The following ARHGAP35 variants were observed in gnomAD, a reference collection of about 807,000 sequenced individuals.
The protein encoded by ARHGAP35 is rho GTPase-activating protein 35.
In ARHGAP35, 15 loss-of-function variants were observed where a neutral mutation model predicts 111.1. That is an observed-to-expected ratio of 0.13 (90% CI 0.09 to 0.21). The LOEUF (loss-of-function observed/expected upper bound fraction) is 0.21, where lower values mean the gene tolerates loss of function less well. Ranked by LOEUF, ARHGAP35 falls within the 10% of genes least tolerant of loss-of-function variation. The probability of loss-of-function intolerance (pLI) is 1.00; values close to 1 mark genes in which losing one functional copy is unlikely to be tolerated. For synonymous variants in ARHGAP35, 643 were observed against 710.3 expected, an observed-to-expected ratio of 0.91 and a Z score of 1.51; for missense variants, 1,262 against 1,873.0, an observed-to-expected ratio of 0.67 and a Z score of 6.02.
At chr19:46,973,430 C>T (rs1290740382) in intron 3 of ARHGAP35, among the ~76,000 whole-genome samples, 7 of 151,988 alleles carry the variant, frequency 4.6e-5, no homozygotes, top group African/African-American at 1.7e-4. Context: ...GCCTGTAATC[C>T]CTGTAATCCC....
chr19:46,920,417 C>T lies in ARHGAP35; in HGVS notation c.1742C>T (p.Pro581Leu), dbSNP rs761965356. The change falls in exon 2 of 7, where the codon CCG (proline) becomes CTG (leucine). Residue 581 changes from proline to leucine, a missense_variant. Transcript: ENST00000672722. The surrounding 1 kb of genome is among the most constrained non-coding windows in gnomAD (Gnocchi z 7.0). ...EHLISSRFIR[P>L]SDRNQKNSLS... is the part of the protein sequence containing the mutation. ...TTGATTAGTTCTCGGTTTATCCGGCCGTCTGACCGGAATCAGAAAAATTCA... is the reference window on the plus strand; with the variant it reads ...TTGATTAGTTCTCGGTTTATCCGGCTGTCTGACCGGAATCAGAAAAATTCA... 9 of 1,613,640 alleles carry T rather than the reference C, an allele frequency of 5.6e-6. No homozygotes were observed. Among genetic ancestry groups the T allele is most frequent in the Non-Finnish European group, 7.6e-6 (9 of 1,179,710 alleles).
At chr19:46,893,615 C>T (rs183690262) in intron 1 of ARHGAP35, among the ~76,000 whole-genome samples, 7 of 151,590 alleles carry the variant, frequency 4.6e-5, no homozygotes, top group African/African-American at 1.5e-4. Context: ...TTCTCTCCCC[C>T]CTTGGTTTTG....
intron 3 of ARHGAP35, among the ~76,000 whole-genome samples, chr19:46,977,484 C>T (rs1473402886): frequency 6.6e-6 from 1 of 152,190 alleles, no homozygotes. Context: ...GCTGGAGAAA[C>T]GCTGCACTTT....
intron 1 of ARHGAP35, among the ~76,000 whole-genome samples, chr19:46,875,784 C>T (rs934584410): frequency 6.6e-6 from 1 of 151,990 alleles, no homozygotes; most frequent in South Asian, 2.1e-4. Flanking sequence ...GCAAAGGCGG[C>T]GTGATGAAAT....
chr19:46,909,182 A>G (rs1007471409), intron 1 of ARHGAP35, among the ~76,000 whole-genome samples: 1 of 152,162 alleles, frequency 6.6e-6, no homozygotes, highest in Non-Finnish European at 1.5e-5. Context: ...ATGCGCTTGT[A>G]GTCCCAGCTA....
rs954720757 is a variant in ARHGAP35, at chr19:46,922,550, G to A, written c.3681+194G>A. Among the ~76,000 whole-genome samples the A allele has an allele frequency of 1.3e-5, 2 of 152,120 alleles. No homozygotes were observed. Among genetic ancestry groups the A allele is most frequent in the Non-Finnish European group, 2.9e-5 (2 of 68,028 alleles). On this transcript the variant is annotated intron_variant, in intron 2 of 6. Coordinates refer to ENST00000672722, the MANE Select transcript of ARHGAP35 (RefSeq NM_004491.5). The surrounding 1 kb of genome is among the most constrained non-coding windows in gnomAD (Gnocchi z 4.0). The stretch of plus-strand genomic sequence containing the variant: ...CAGCTCTCAAGTAGTTAGGACTTTG[G>A]ATAGATAGTCTGAGTTGTTGTTGCC...
At chr19:46,965,341 C>A (rs2056508001) in intron 3 of ARHGAP35, among the ~76,000 whole-genome samples, 1 of 152,168 alleles carries the variant, frequency 6.6e-6, no homozygotes, top group East Asian at 1.9e-4. Context: ...TCTAAGATTT[C>A]TTTTGTTTTA....
chr19:46,959,014 T>G (rs1313915368), intron 3 of ARHGAP35, among the ~76,000 whole-genome samples: 2 of 147,996 alleles, frequency 1.4e-5, no homozygotes, highest in Non-Finnish European at 3.0e-5. Flanking sequence ...ATTCTGCTGT[T>G]TTTAAACGAA....
intron 1 of ARHGAP35, among the ~76,000 whole-genome samples, chr19:46,916,566 A>G (rs945332190): frequency 5.9e-5 from 9 of 152,208 alleles, no homozygotes; most frequent in Non-Finnish European, 2.9e-5. Flanking sequence ...GGCTGAGGAC[A>G]CAGAATAGAA....
In ARHGAP35 at chr19:47,003,742, CTG is replaced by C. The variant is rs1400939729; in HGVS notation, c.*3056_*3057del. ...ACCCAGATTCTTCTGCAGGATGTGT[CTG>C]TCTTTGTCACGGTGGACAGAGGGTG... On this transcript the variant is annotated 3_prime_UTR_variant, in exon 7 of 7. Transcript: ENST00000672722. The C allele has an allele frequency of 6.6e-6, 1 of 152,150 alleles. No individual in the cohort carries two copies. The highest frequency in any genetic ancestry group is 6.5e-5 in the Admixed American group (1 of 15,272). 9.4% of individuals were successfully genotyped at this position (152,150 alleles called of 1,614,324 possible). A position where few individuals can be genotyped will look rare whatever the true frequency, so the allele number is the denominator to read the frequency against.
intron 2 of ARHGAP35, among the ~76,000 whole-genome samples, chr19:46,928,465 C>T (rs1359831791): frequency 1.3e-5 from 2 of 152,084 alleles, no homozygotes; most frequent in African/African-American, 4.8e-5. Flanking sequence ...TGACCCATAG[C>T]GTTGGAAAGT....
At position 46,989,740 on chromosome 19, in the gene ARHGAP35, G is replaced by A; in HGVS notation, c.4036+65G>A. On this transcript the variant is annotated intron_variant, in intron 5 of 6. Coordinates refer to ENST00000672722, the MANE Select transcript of ARHGAP35 (RefSeq NM_004491.5). The surrounding 1 kb of genome is among the most constrained non-coding windows in gnomAD (Gnocchi z 5.3). ...AAAGGGCTTGGCACTGGAAGAATAG[G>A]TCCTGCCCTCAGAATGGATGCTGGC... 5 of 1,602,868 alleles carry A rather than the reference G, an allele frequency of 3.1e-6. No homozygotes were observed. The highest frequency in any genetic ancestry group is 4.3e-6 in the Non-Finnish European group (5 of 1,174,494).
chr19:46,895,875 G>A (rs2056052540), intron 1 of ARHGAP35, among the ~76,000 whole-genome samples: 2 of 152,184 alleles, frequency 1.3e-5, no homozygotes, highest in Non-Finnish European at 2.9e-5. Flanking sequence ...GGCTGAGGCA[G>A]GCGGATCTCC....
At chr19:46,897,447 CT>C (rs397749963) in intron 1 of ARHGAP35, among the ~76,000 whole-genome samples, 2,641 of 134,912 alleles carry the variant, frequency 0.02, 57 homozygotes, top group African/African-American at 0.057. Context: ...TTTATTTTGT[CT>C]TTTTTTTTTT....
At chr19:46,916,359 C>T (rs573135191) in intron 1 of ARHGAP35, among the ~76,000 whole-genome samples, 5 of 138,458 alleles carry the variant, frequency 3.6e-5, no homozygotes, top group African/African-American at 1.1e-4. Flanking sequence ...CTTTTTTTTG[C>T]GGAGGGAAGG....
intron 3 of ARHGAP35, among the ~76,000 whole-genome samples, chr19:46,983,606 CTTTT>C (rs11383795): frequency 1.4e-5 from 1 of 69,270 alleles, no homozygotes. Flanking sequence ...AATGTCCATT[CTTTT>C]TTTTTTTTTT....
chr19:46,990,023 ATGAAATTCTATTCGGAAAGGCC>A (rs2056671770), intron 5 of ARHGAP35, among the ~76,000 whole-genome samples: 1 of 152,164 alleles, frequency 6.6e-6, no homozygotes, highest in Non-Finnish European at 1.5e-5. Flanking sequence ...ACTCCTGCGG[ATGAAATTCTATTCGGAAAGGCC>A]TAGAAGTGAG....
intron 1 of ARHGAP35, among the ~76,000 whole-genome samples, 163 bp downstream of exon 1, chr19:46,861,372 G>A (rs1308955146): frequency 8.2e-6 from 1 of 122,626 alleles, no homozygotes; most frequent in Non-Finnish European, 1.7e-5. Flanking sequence ...GGGCCCCGCC[G>A]TCCCCGTCGC....
rs1301810190 is a variant in ARHGAP35 at position 47,003,211 on chromosome 19, C to T, written c.*2523C>T. The T allele has an allele frequency of 6.6e-6, 1 of 152,292 alleles. No individual in the cohort carries two copies. Among genetic ancestry groups the T allele is most frequent in the African/African-American group, 2.4e-5 (1 of 41,458 alleles). 9.4% of individuals were successfully genotyped at this position (152,292 alleles called of 1,614,324 possible). On this transcript the variant is annotated 3_prime_UTR_variant, in exon 7 of 7. Coordinates refer to ENST00000672722, the MANE Select transcript of ARHGAP35 (RefSeq NM_004491.5). ...GGGAAGCGTGCAGCCCAAATGGGCA[C>T]TTGCATGGGAGCCACAGAGGAGCGT... is the stretch of plus-strand genomic sequence containing the variant.
Sources: gnomAD v4.1 joint callset for allele counts (sites outside exome capture counted in the v4.1 genomes callset) on GRCh38, gnomAD v4.1.1 for gene constraint, Gnocchi (gnomAD v3.1) non-coding constraint, MANE v1.5 for transcripts, NCBI Gene and HGNC (gene_info 2026-07-23, HGNC 2026-07-21) for gene names.